MBTPS1: variants seen among roughly 807,000 people sequenced by gnomAD.
MBTPS1 encodes membrane bound transcription factor peptidase, site 1.
MBTPS1 carries 94 observed loss-of-function variants against 127.8 expected under a neutral mutation model. That is an observed-to-expected ratio of 0.74 (90% CI 0.62 to 0.87). The LOEUF is 0.87. Ranked by LOEUF, MBTPS1 falls within the 40% of genes least tolerant of loss-of-function variation. MBTPS1 has a pLI of 0.00. For synonymous variants in MBTPS1, 632 were observed against 509.4 expected, an observed-to-expected ratio of 1.24 and a Z score of -3.24; for missense variants, 1,636 against 1,353.2, an observed-to-expected ratio of 1.21 and a Z score of -3.28.
At chr16:84,101,082 C>T (rs529767197) in intron 2 of MBTPS1, among the ~76,000 whole-genome samples, 4 of 151,476 alleles carry the variant, frequency 2.6e-5, no homozygotes, top group African/African-American at 4.9e-5. Context: ...AGGCGGATCA[C>T]GAGGTCAGGA....
chr16:84,093,120 T>G (rs1173958067), intron 6 of MBTPS1, 68 bp downstream of exon 6: 1 of 1,015,308 alleles, frequency 9.8e-7, no homozygotes, highest in East Asian at 2.4e-5. Context: ...GTGTGTACAG[T>G]CCAGTGATTC....
In MBTPS1 at chr16:84,067,651, T is replaced by C. The variant is rs764064569; in HGVS notation, c.2228+16A>G. The C allele has an allele frequency of 3.8e-6, 6 of 1,582,168 alleles. No homozygotes were observed. The highest frequency in any genetic ancestry group is 1.3e-5 in the African/African-American group (1 of 74,156). On this transcript the variant is annotated intron_variant, in intron 16 of 22. Coordinates refer to ENST00000343411, the MANE Select transcript of MBTPS1 (RefSeq NM_003791.4). ...CCCAAAAGTCTTATCCAAATACCAATGCGTATCAACAGTACCTTGTGTTTT... is the reference window on the plus strand; with the variant it reads ...CCCAAAAGTCTTATCCAAATACCAACGCGTATCAACAGTACCTTGTGTTTT...
chr16:84,103,503 T>C (rs1457472405), intron 1 of MBTPS1, among the ~76,000 whole-genome samples: 1 of 152,114 alleles, frequency 6.6e-6, no homozygotes, highest in East Asian at 1.9e-4. Flanking sequence ...CCAGCCACCT[T>C]GGCCTCCCAA....
chr16:84,082,088 C>G (rs1477027464), intron 10 of MBTPS1, 180 bp from the exon 11 acceptor site: 2 of 406,734 alleles, frequency 4.9e-6, no homozygotes, highest in African/African-American at 2.0e-5. Context: ...TGTACCCAAT[C>G]CAGGACTGAC....
At chr16:84,109,940 A>C (rs1372043424) in intron 1 of MBTPS1, among the ~76,000 whole-genome samples, 1 of 152,222 alleles carries the variant, frequency 6.6e-6, no homozygotes, top group Non-Finnish European at 1.5e-5. Context: ...ATGGAGTATC[A>C]GGTCTGCAAT....
At chr16:84,077,499 G>A (rs1399098269) in intron 11 of MBTPS1, among the ~76,000 whole-genome samples, 2 of 152,054 alleles carry the variant, frequency 1.3e-5, no homozygotes, top group Non-Finnish European at 2.9e-5. Flanking sequence ...GGGCAAAGAT[G>A]GACTTTTTAA....
intron 1 of MBTPS1, among the ~76,000 whole-genome samples, chr16:84,105,933 G>C (rs776118036): frequency 5.3e-5 from 8 of 152,142 alleles, no homozygotes; most frequent in Non-Finnish European, 8.8e-5. Flanking sequence ...CCAGTGCAGG[G>C]AGACAGACCG....
Position 84,099,192 on chromosome 16 carries a change from G to A in MBTPS1, c.282C>T (p.Ser94=). 6.2e-7 allele frequency: 1 copy of A among 1,614,146 alleles called. No individual in the cohort carries two copies. The highest frequency in any genetic ancestry group is 1.1e-5 in the South Asian group (1 of 91,082). Reference sequence around the variant, plus strand: ...CCTCAAAATCACTAGGGTAGTCACTGGATGGATTGTTTCGAGGTATAATTC... The same window carrying A: ...CCTCAAAATCACTAGGGTAGTCACTAGATGGATTGTTTCGAGGTATAATTC... ...NWRIIPRNNP[S]SDYPSDFEVI... The change falls in exon 3 of 23, where the codon TCC becomes TCT. Residue 94 remains serine, a synonymous_variant. Transcript: ENST00000343411.
intron 1 of MBTPS1, among the ~76,000 whole-genome samples, chr16:84,113,402 G>A (rs2086425852): frequency 6.6e-6 from 1 of 152,142 alleles, no homozygotes; most frequent in African/African-American, 2.4e-5. Flanking sequence ...TCTAATACAC[G>A]TATAATTAAA....
At chr16:84,100,318 G>C (rs1192117809) in intron 2 of MBTPS1, among the ~76,000 whole-genome samples, 2 of 152,226 alleles carry the variant, frequency 1.3e-5, no homozygotes, top group African/African-American at 4.8e-5. Context: ...GCCAATGCAG[G>C]AGGATCACCT....
chr16:84,054,867 G>A (rs1030430866), intron 22 of MBTPS1, among the ~76,000 whole-genome samples: 7 of 147,782 alleles, frequency 4.7e-5, no homozygotes, highest in South Asian at 2.2e-4. Context: ...GTGGAGGCTC[G>A]GTGGATCTCT....
rs145590710 is a variant in MBTPS1 at position 84,098,133 on chromosome 16, C to G, written c.421+920G>C. Among the ~76,000 whole-genome samples, 195 of 151,992 alleles carry G rather than the reference C, an allele frequency of 1.3e-3. 2 individuals are homozygous for G. Among genetic ancestry groups the G allele is most frequent in the African/African-American group, 4.6e-3 (190 of 41,418 alleles). ...GAGACTAAACTCTATTTTGACAAGC[C>G]CAATTGTAATGAAGTAGGAAAGACT... On this transcript the variant is annotated intron_variant, in intron 3 of 22. Transcript: ENST00000343411.
In MBTPS1 at chr16:84,065,783, C is replaced by G. The variant is rs181626447; in HGVS notation, c.2354-16G>C. 184 of 1,531,924 alleles carry G rather than the reference C, an allele frequency of 1.2e-4. 1 individual carries two copies. The Admixed American group carries it at 3.3e-3, about 27-fold the overall frequency. 94.9% of individuals were successfully genotyped at this position (1,531,924 alleles called of 1,614,324 possible). ...GCATAATACACTAGGAAAGAGTGTT[C>G]AAAGTCAAGGGAACACAGGAACGCC... On this transcript the variant is annotated splice_polypyrimidine_tract_variant and intron_variant, in intron 17 of 22. Coordinates refer to ENST00000343411, the MANE Select transcript of MBTPS1 (RefSeq NM_003791.4).
intron 3 of MBTPS1, among the ~76,000 whole-genome samples, chr16:84,096,540 G>T (rs894852915): frequency 2.6e-5 from 4 of 152,146 alleles, no homozygotes; most frequent in Non-Finnish European, 5.9e-5. Flanking sequence ...TGGCCTAAGG[G>T]TTTTCCCTTA....
intron 1 of MBTPS1, among the ~76,000 whole-genome samples, chr16:84,103,247 A>G (rs2086281297): frequency 6.7e-6 from 1 of 149,506 alleles, no homozygotes; most frequent in African/African-American, 2.5e-5. Flanking sequence ...GGATTTTATT[A>G]TTATTATTAT....
chr16:84,064,898 A>G (rs1279593590), intron 18 of MBTPS1, among the ~76,000 whole-genome samples: 1 of 152,224 alleles, frequency 6.6e-6, no homozygotes, highest in Non-Finnish European at 1.5e-5. Flanking sequence ...CTCTCTTTTC[A>G]TCGTTTTCAA....
chr16:84,055,435 C>G (rs1211527215), intron 22 of MBTPS1, among the ~76,000 whole-genome samples: 3 of 152,220 alleles, frequency 2.0e-5, no homozygotes, highest in Non-Finnish European at 4.4e-5. Flanking sequence ...CTGGAAAGGC[C>G]TGGTACCAAT....
At chr16:84,100,383 A>C (rs555736108) in intron 2 of MBTPS1, among the ~76,000 whole-genome samples, 1 of 152,314 alleles carries the variant, frequency 6.6e-6, no homozygotes, top group Admixed American at 6.5e-5. Context: ...AGTCTCTACT[A>C]AAAAGACAAA....
In MBTPS1 at chr16:84,097,916, C is replaced by G. The variant is rs573441202; in HGVS notation, c.421+1137G>C. 2.5e-4 allele frequency among the ~76,000 whole-genome samples: 38 copies of G among 150,480 alleles called. 1 individual carries two copies. The highest frequency in any genetic ancestry group is 8.8e-4 in the African/African-American group (36 of 40,808). ...AGCAAAACCTCAGAGGCTCTTAGGCCTAAAATATGATAGACAAAGAAGAGT... is the reference window on the plus strand; with the variant it reads ...AGCAAAACCTCAGAGGCTCTTAGGCGTAAAATATGATAGACAAAGAAGAGT... On this transcript the variant is annotated intron_variant, in intron 3 of 22. Transcript: ENST00000343411.
Sources: gnomAD v4.1 joint callset for allele counts (sites outside exome capture counted in the v4.1 genomes callset) on GRCh38, gnomAD v4.1.1 for gene constraint, MANE v1.5 for transcripts, NCBI Gene and HGNC (gene_info 2026-07-23, HGNC 2026-07-21) for gene names.